The following LYPD6B variants were observed in gnomAD, a reference collection of about 807,000 sequenced individuals.
The protein encoded by LYPD6B is LY6/PLAUR domain containing 6B, also known as ly6/PLAUR domain-containing protein 6B.
Under a neutral mutation model 22.8 loss-of-function variants are expected in LYPD6B, and 17 were observed. That is an observed-to-expected ratio of 0.75 (90% CI 0.51 to 1.12). The LOEUF is 1.12. Among genes scored for constraint, LYPD6B ranks in the 50% most tolerant of loss-of-function variants. The pLI, the probability that LYPD6B is intolerant of heterozygous loss-of-function variation, is 0.00. For synonymous variants in LYPD6B, 106 were observed against 91.6 expected (o/e 1.16, Z -0.90); for missense variants, 221 against 258.3 (o/e 0.86, Z 0.99).
chr2:149,067,720 T>C (rs1207018284), intron 1 of LYPD6B, among the ~76,000 whole-genome samples: 1 of 152,066 alleles, frequency 6.6e-6, no homozygotes, highest in Non-Finnish European at 1.5e-5. Flanking sequence ...TTAAATTTTA[T>C]ATAATTTAGG....
At chr2:149,153,052 C>A (rs1274091060) in intron 2 of LYPD6B, among the ~76,000 whole-genome samples, 1 of 152,166 alleles carries the variant, frequency 6.6e-6, no homozygotes, top group African/African-American at 2.4e-5. Flanking sequence ...ATCTGTCAAG[C>A]ATGCTGTTAA....
At chr2:149,192,671 G>A (rs1403423412) in intron 3 of LYPD6B, among the ~76,000 whole-genome samples, 1 of 152,088 alleles carries the variant, frequency 6.6e-6, no homozygotes. Context: ...GATGTGGAGA[G>A]GATTAATTAG....
intron 2 of LYPD6B, among the ~76,000 whole-genome samples, chr2:149,146,373 G>T (rs562627294): frequency 3.3e-5 from 5 of 152,076 alleles, no homozygotes; most frequent in Non-Finnish European, 4.4e-5. Flanking sequence ...GGCACTGTAG[G>T]GGGGGATGCC....
rs757375587 is a variant in LYPD6B at position 149,214,656 on chromosome 2, C to A, written c.570C>A (p.Ala190=). Residue 190 remains alanine, a synonymous_variant, in exon 7 of 7, where the codon GCC becomes GCA. Coordinates refer to ENST00000409642, the MANE Select transcript of LYPD6B (RefSeq NM_177964.5). ...MHAQRTSGSS[A]PTLYLPVLAW... The stretch of plus-strand genomic sequence containing the variant: ...CTCAGAGAACATCTGGCAGCAGTGC[C>A]CCCACACTCTACCTACCAGTGCTTG... 1.2e-6 allele frequency: 2 copies of A among 1,613,822 alleles called. No individual in the cohort carries two copies. Among genetic ancestry groups the A allele is most frequent in the Admixed American group, 3.3e-5 (2 of 60,006 alleles).
At chr2:149,141,321 G>T (rs768765580) in intron 2 of LYPD6B, among the ~76,000 whole-genome samples, 1 of 152,170 alleles carries the variant, frequency 6.6e-6, no homozygotes, top group African/African-American at 2.4e-5. Context: ...GTGCATCCGC[G>T]TGGAGTACAG....
intron 1 of LYPD6B, among the ~76,000 whole-genome samples, chr2:149,123,645 C>T (rs1047206503): frequency 1.3e-5 from 2 of 152,202 alleles, no homozygotes; most frequent in Middle Eastern, 3.4e-3. Context: ...AGGCAGATCA[C>T]GAGGTCAAGA....
intron 3 of LYPD6B, among the ~76,000 whole-genome samples, chr2:149,201,358 A>G (rs189671699): frequency 7.9e-5 from 12 of 152,336 alleles, no homozygotes; most frequent in African/African-American, 2.9e-4. Context: ...TCTCATCCAT[A>G]TAAAAGATTT....
intron 2 of LYPD6B, among the ~76,000 whole-genome samples, chr2:149,159,847 G>A (rs1689939645): frequency 6.6e-6 from 1 of 152,044 alleles, no homozygotes; most frequent in Non-Finnish European, 1.5e-5. Context: ...ATCAAATAAG[G>A]CTCACTCACA....
At chr2:149,129,094 G>T (rs1219741949) in intron 1 of LYPD6B, among the ~76,000 whole-genome samples, 3 of 152,174 alleles carry the variant, frequency 2.0e-5, no homozygotes, top group Admixed American at 2.0e-4. Context: ...GGGGTTGCTT[G>T]CATGCTTCCT....
At chr2:149,153,761 G>A (rs2105842605) in intron 2 of LYPD6B, among the ~76,000 whole-genome samples, 1 of 151,804 alleles carries the variant, frequency 6.6e-6, no homozygotes, top group South Asian at 2.1e-4. Flanking sequence ...GCAACAGAGT[G>A]AGACTCTGTC....
chr2:149,208,557 G>A (rs896933128), intron 5 of LYPD6B, 145 bp downstream of exon 5: 2 of 618,492 alleles, frequency 3.2e-6, no homozygotes, highest in Non-Finnish European at 5.6e-6. Context: ...GGAAACTGGT[G>A]TCAAAGACTC....
At chr2:149,139,558 T>G (rs1325921743) in intron 2 of LYPD6B, among the ~76,000 whole-genome samples, 1 of 152,178 alleles carries the variant, frequency 6.6e-6, no homozygotes, top group Non-Finnish European at 1.5e-5. Context: ...AGGCAAATCT[T>G]TTCTCATTCC....
Position 149,213,132 on chromosome 2 carries a change from G to GT in LYPD6B, c.459+11dup, listed in dbSNP as rs1693980461. ...AGATTCTGAACATACGGTAAGGATC[G>GT]TGTGTGTGTGTTATTGTCTAAACTT... On this transcript the variant is annotated intron_variant, in intron 6 of 6. Transcript: ENST00000409642. 1.3e-6 allele frequency: 2 copies of GT among 1,526,724 alleles called. No homozygotes were observed. Among genetic ancestry groups the GT allele is most frequent in the Non-Finnish European group, 1.8e-6 (2 of 1,124,550 alleles). 94.6% of individuals were successfully genotyped at this position (1,526,724 alleles called of 1,614,324 possible).
intron 3 of LYPD6B, 93 bp from the exon 4 acceptor site, chr2:149,205,160 A>C (rs1693426535): frequency 1.5e-6 from 2 of 1,318,270 alleles, no homozygotes; most frequent in Non-Finnish European, 2.1e-6. Flanking sequence ...GGTTGGATAT[A>C]TTTGGATAAT....
chr2:149,206,939 G>T (rs6433498), intron 4 of LYPD6B, among the ~76,000 whole-genome samples: 47,582 of 151,858 alleles, frequency 0.31, 7,516 homozygotes, highest in East Asian at 0.36. Flanking sequence ...GAAAGAAAAA[G>T]AAATCACAAG....
intron 3 of LYPD6B, among the ~76,000 whole-genome samples, chr2:149,180,102 G>A (rs1306627981): frequency 6.6e-6 from 1 of 152,208 alleles, no homozygotes; most frequent in Non-Finnish European, 1.5e-5. Flanking sequence ...TGTCAAAGAA[G>A]AGAAATGCTC....
chr2:149,192,831 G>A (rs902814219), intron 3 of LYPD6B, among the ~76,000 whole-genome samples: 2 of 152,230 alleles, frequency 1.3e-5, no homozygotes, highest in Non-Finnish European at 1.5e-5. Context: ...TCAGAGCCAG[G>A]GGAGTGGGCT....
intron 1 of LYPD6B, among the ~76,000 whole-genome samples, chr2:149,082,977 C>T (rs1218388009): frequency 6.6e-6 from 1 of 152,146 alleles, no homozygotes; most frequent in Non-Finnish European, 1.5e-5. Flanking sequence ...GGGTGTGCCT[C>T]TGGACAGGAA....
chr2:149,087,002 A>G (rs1685431363), intron 1 of LYPD6B, among the ~76,000 whole-genome samples: 1 of 122,004 alleles, frequency 8.2e-6, no homozygotes. Flanking sequence ...ATGAAGTAAG[A>G]AGGTATTTTT....
Sources: allele counts gnomAD v4.1 joint callset (sites outside exome capture counted in the v4.1 genomes callset), GRCh38; gene constraint gnomAD v4.1.1; transcripts MANE v1.5; gene names NCBI Gene and HGNC (gene_info 2026-07-23, HGNC 2026-07-21).